Variants in FANCC observed in about 807,000 individuals in gnomAD.
FANCC encodes Fanconi anemia group C protein.
In FANCC, 55 loss-of-function variants were observed where a neutral mutation model predicts 71.3. The ratio of observed to expected loss-of-function variants is 0.77; its 90% CI spans 0.62 to 0.97. FANCC has a LOEUF of 0.97. Ranked by LOEUF, FANCC falls within the 50% of genes least tolerant of loss-of-function variation. FANCC has a pLI of 0.00. For missense variants in FANCC, 678 were observed against 670.9 expected (o/e 1.01, Z -0.12); for synonymous variants, 275 against 244.9 (o/e 1.12, Z -1.15).
intron 1 of FANCC, among the ~76,000 whole-genome samples, chr9:95,258,172 C>T (rs1831789893): frequency 1.3e-5 from 2 of 152,310 alleles, no homozygotes; most frequent in South Asian, 4.2e-4. Context: ...AAGAGGGACT[C>T]TTCCCTAACT....
chr9:95,125,639 T>C (rs149355212), intron 9 of FANCC, among the ~76,000 whole-genome samples: 54 of 152,326 alleles, frequency 3.5e-4, no homozygotes, highest in African/African-American at 1.1e-3. Flanking sequence ...TTTTTCTTTA[T>C]GTTTGTTTAA....
Position 95,153,193 on chromosome 9 carries a change from C to T in FANCC, c.522-3106G>A, listed in dbSNP as rs1002271180. The stretch of plus-strand genomic sequence containing the variant: ...AAGTTGCTGCAAATATTATTTTGTT[C>T]CTTTTAATGGCTGAGTAGTGTATAT... On this transcript the variant is annotated intron_variant, in intron 6 of 14. Transcript: ENST00000289081. Among the ~76,000 whole-genome samples the T allele has an allele frequency of 3.9e-5, 6 of 152,148 alleles. No homozygotes were observed. The East Asian group carries it at 1.2e-3, about 29-fold the overall frequency.
intron 6 of FANCC, among the ~76,000 whole-genome samples, chr9:95,155,282 GA>G (rs1466737843): frequency 7.5e-5 from 5 of 66,896 alleles, no homozygotes; most frequent in Non-Finnish European, 1.2e-4. Context: ...AAGGGGAGGG[GA>G]AGGAAGGGGA....
At chr9:95,155,541 C>T (rs1292156318) in intron 6 of FANCC, among the ~76,000 whole-genome samples, 1 of 151,806 alleles carries the variant, frequency 6.6e-6, no homozygotes, top group African/African-American at 2.4e-5. Flanking sequence ...TCTTTTTTTG[C>T]ACTCTTCCCA....
chr9:95,184,943 T>C (rs1435899574), intron 4 of FANCC, among the ~76,000 whole-genome samples: 1 of 152,232 alleles, frequency 6.6e-6, no homozygotes, highest in Admixed American at 6.5e-5. Flanking sequence ...CTGTGCCTGT[T>C]AGTCTGAAGC....
At chr9:95,104,469 C>T (rs570263280) in intron 14 of FANCC, among the ~76,000 whole-genome samples, 13 of 152,132 alleles carry the variant, frequency 8.5e-5, no homozygotes, top group Non-Finnish European at 1.6e-4. Flanking sequence ...TGAGGGTTCC[C>T]GTGTGGATCC....
At position 95,308,514 on chromosome 9, in the gene FANCC, G is replaced by C. The variant is rs1835195027; in HGVS notation, c.-79+9012C>G. 2.0e-5 allele frequency among the ~76,000 whole-genome samples: 3 copies of C among 151,962 alleles called. No individual in the cohort carries two copies. In the South Asian group the frequency reaches 6.2e-4, roughly 32 times the overall value. ...TTGGCCAGGCTGGAGTCGAACTCCT[G>C]ACCTCAAGTGATCCACCCGCCTTGG... On this transcript the variant is annotated intron_variant, in intron 1 of 14. Transcript: ENST00000289081.
intron 10 of FANCC, among the ~76,000 whole-genome samples, chr9:95,120,356 C>A (rs573245089): frequency 7.9e-5 from 12 of 151,864 alleles, no homozygotes; most frequent in Non-Finnish European, 1.8e-4. Context: ...CAATTCTGAT[C>A]TATCTATGGC....
At chr9:95,273,342 T>C (rs1009466090) in intron 1 of FANCC, among the ~76,000 whole-genome samples, 16 of 152,220 alleles carry the variant, frequency 1.1e-4, no homozygotes, top group African/African-American at 3.9e-4. Flanking sequence ...CATAAGACTC[T>C]ATTGCACTAG....
intron 5 of FANCC, 33 bp from the exon 6 acceptor site, chr9:95,171,176 C>G (rs369697863): frequency 6.6e-7 from 1 of 1,518,288 alleles, no homozygotes; most frequent in Non-Finnish European, 9.1e-7. Context: ...GGTTAACTCA[C>G]GCTGCAAACA....
rs149721185 is a variant in FANCC at position 95,099,501 on chromosome 9, C to G, written c.*2206G>C. 1 of 228,416 alleles carries G rather than the reference C, an allele frequency of 4.4e-6. No individual in the cohort carries two copies. Among genetic ancestry groups the G allele is most frequent in the African/African-American group, 2.2e-5 (1 of 44,716 alleles). 14.1% of individuals were successfully genotyped at this position (228,416 alleles called of 1,614,324 possible). On this transcript the variant is annotated 3_prime_UTR_variant, in exon 15 of 15. Coordinates refer to ENST00000289081, the MANE Select transcript of FANCC (RefSeq NM_000136.3). ...GCACCTGCCCAGGCTTTGCCGAAATCGAAGGCAACAAGAGGGGGAGGTGGG... is the reference window on the plus strand; with the variant it reads ...GCACCTGCCCAGGCTTTGCCGAAATGGAAGGCAACAAGAGGGGGAGGTGGG...
At chr9:95,178,122 G>C (rs1826125726) in intron 4 of FANCC, among the ~76,000 whole-genome samples, 1 of 151,674 alleles carries the variant, frequency 6.6e-6, no homozygotes, top group East Asian at 1.9e-4. Context: ...TTCCAATGTA[G>C]CCCAGGAAAG....
intron 1 of FANCC, among the ~76,000 whole-genome samples, chr9:95,253,677 T>C (rs1313378366): frequency 6.6e-6 from 1 of 152,110 alleles, no homozygotes; most frequent in Non-Finnish European, 1.5e-5. Flanking sequence ...TTTATTCCCA[T>C]AGGTTTTGGG....
At position 95,107,733 on chromosome 9, in the gene FANCC, G is replaced by A. The variant is rs530331410; in HGVS notation, c.1330-464C>T. Among the ~76,000 whole-genome samples, 7 of 152,178 alleles carry A rather than the reference G, an allele frequency of 4.6e-5. No homozygotes were observed. In the East Asian group the frequency reaches 1.2e-3, roughly 25 times the overall value. ...ATATTGGGGGTCAGGGCGGGGGGTC[G>A]GGGGGAACACACACACATGCACGCA... is the stretch of plus-strand genomic sequence containing the variant. On this transcript the variant is annotated intron_variant, in intron 13 of 14. Coordinates refer to ENST00000289081, the MANE Select transcript of FANCC (RefSeq NM_000136.3).
At chr9:95,228,101 G>A (rs892036587) in intron 4 of FANCC, among the ~76,000 whole-genome samples, 3 of 152,140 alleles carry the variant, frequency 2.0e-5, no homozygotes, top group Non-Finnish European at 2.9e-5. Flanking sequence ...GATCCTCAAA[G>A]GCAAGACCTT....
At chr9:95,228,261 C>T (rs1303224750) in intron 4 of FANCC, among the ~76,000 whole-genome samples, 1 of 152,180 alleles carries the variant, frequency 6.6e-6, no homozygotes, top group Admixed American at 6.5e-5. Flanking sequence ...ACAACACTCT[C>T]GCAGCACTAT....
intron 1 of FANCC, among the ~76,000 whole-genome samples, chr9:95,290,644 T>C (rs1239509760): frequency 2.0e-5 from 3 of 152,116 alleles, no homozygotes; most frequent in Admixed American, 1.3e-4. Flanking sequence ...CACACTCCTC[T>C]GAAGTAAAAT....
intron 1 of FANCC, among the ~76,000 whole-genome samples, chr9:95,267,207 G>C (rs1316701334): frequency 6.6e-6 from 1 of 152,136 alleles, no homozygotes; most frequent in Non-Finnish European, 1.5e-5. Flanking sequence ...TAGCACCCTT[G>C]CTGGAAGGTG....
intron 3 of FANCC, 29 bp downstream of exon 3, chr9:95,247,403 T>C: frequency 6.5e-7 from 1 of 1,533,540 alleles, no homozygotes. Flanking sequence ...AAAATAGCCA[T>C]TTTGAGAGGA....
Sources: gnomAD v4.1 joint callset for allele counts (sites outside exome capture counted in the v4.1 genomes callset) on GRCh38, gnomAD v4.1.1 for gene constraint, MANE v1.5 for transcripts, NCBI Gene and HGNC (gene_info 2026-07-23, HGNC 2026-07-21) for gene names.